The following MACROD2 variants were observed in gnomAD, a reference collection of about 807,000 sequenced individuals.
The protein encoded by MACROD2 is mono-ADP ribosylhydrolase 2.
MACROD2 carries 36 observed loss-of-function variants against 70.4 expected under a neutral mutation model. The observed-to-expected ratio is 0.51, with a 90% CI of 0.39 to 0.68. The LOEUF (loss-of-function observed/expected upper bound fraction) is 0.68. Among genes scored for constraint, MACROD2 ranks in the 30% least tolerant of loss-of-function variants. The pLI, the probability that MACROD2 is intolerant of heterozygous loss-of-function variation, is 0.00. For missense variants in MACROD2, 496 were observed against 538.4 expected, an observed-to-expected ratio of 0.92 and a Z score of 0.78; for synonymous variants, 172 against 178.8, an observed-to-expected ratio of 0.96 and a Z score of 0.30.
intron 8 of MACROD2, among the ~76,000 whole-genome samples, chr20:15,724,721 G>A (rs959817618): frequency 1.4e-4 from 22 of 152,132 alleles, no homozygotes; most frequent in African/African-American, 4.8e-4. Flanking sequence ...AGTAGTGTCT[G>A]TCTTCCAGCT....
chr20:15,646,813 C>A (rs1038749241), intron 8 of MACROD2, among the ~76,000 whole-genome samples: 2 of 152,176 alleles, frequency 1.3e-5, no homozygotes, highest in African/African-American at 4.8e-5. Flanking sequence ...TGTTAAGTTT[C>A]ATGAGGCCTC....
chr20:15,639,333 G>C (rs760863118), intron 8 of MACROD2, among the ~76,000 whole-genome samples: 5 of 152,198 alleles, frequency 3.3e-5, no homozygotes, highest in Non-Finnish European at 7.3e-5. Flanking sequence ...CTCACGACCT[G>C]CATCGCTTAG....
chr20:14,910,743 C>T (rs1465289127), intron 5 of MACROD2, among the ~76,000 whole-genome samples: 3 of 152,110 alleles, frequency 2.0e-5, no homozygotes, highest in Admixed American at 1.3e-4. Context: ...AGTTGATATC[C>T]CGCTAGCCTT....
At chr20:15,821,699 T>C (rs953626798) in intron 8 of MACROD2, among the ~76,000 whole-genome samples, 12 of 152,200 alleles carry the variant, frequency 7.9e-5, no homozygotes, top group Admixed American at 7.2e-4. Flanking sequence ...AACAATACAG[T>C]ATAACAACTA....
At chr20:14,929,295 A>G (rs1490094180) in intron 5 of MACROD2, 1 of 152,182 alleles carries the variant, frequency 6.6e-6, no homozygotes, top group Non-Finnish European at 1.5e-5. Flanking sequence ...CAGGCTATAA[A>G]TCAGAGGTTT....
At chr20:16,040,606 G>T (rs2067295042) in intron 15 of MACROD2, among the ~76,000 whole-genome samples, 1 of 149,812 alleles carries the variant, frequency 6.7e-6, no homozygotes, top group African/African-American at 2.4e-5. Flanking sequence ...GAAGCACCTT[G>T]TGAAGCTGTG....
At chr20:15,375,897 C>T (rs1180508951) in intron 6 of MACROD2, among the ~76,000 whole-genome samples, 1 of 152,048 alleles carries the variant, frequency 6.6e-6, no homozygotes, top group Non-Finnish European at 1.5e-5. Context: ...TATTCAAAAC[C>T]AGGTCTGTCT....
intron 6 of MACROD2, among the ~76,000 whole-genome samples, chr20:15,317,527 GTCTA>G (rs1298157488): frequency 3.9e-5 from 4 of 103,150 alleles, no homozygotes; most frequent in Admixed American, 9.3e-5. Context: ...CTATCTATCT[GTCTA>G]TCTATCTCTA....
intron 10 of MACROD2, among the ~76,000 whole-genome samples, chr20:15,899,101 CTATATGTATGTA>C (rs2065022751): frequency 6.6e-6 from 1 of 151,518 alleles, no homozygotes; most frequent in Non-Finnish European, 1.5e-5. Context: ...TGTGTGCTAT[CTATATGTATGTA>C]TATATGTATG....
chr20:14,973,298 C>A (rs985286062), intron 5 of MACROD2, among the ~76,000 whole-genome samples: 1 of 134,210 alleles, frequency 7.5e-6, no homozygotes, highest in Non-Finnish European at 1.5e-5. Context: ...GTGGTGCGAT[C>A]TTGGTTCACT....
intron 5 of MACROD2, among the ~76,000 whole-genome samples, chr20:15,206,059 C>T (rs879655657): frequency 3.3e-5 from 5 of 152,102 alleles, no homozygotes; most frequent in Middle Eastern, 3.2e-3. Context: ...GAAGGTACCC[C>T]TTTGCCTTGT....
At chr20:14,271,971 C>T (rs972232027) in intron 3 of MACROD2, among the ~76,000 whole-genome samples, 2 of 152,064 alleles carry the variant, frequency 1.3e-5, no homozygotes, top group African/African-American at 4.8e-5. Flanking sequence ...ACGAACAAAG[C>T]CTCCAAGAAA....
intron 3 of MACROD2, among the ~76,000 whole-genome samples, chr20:14,125,430 TACC>T (rs2054636220): frequency 6.6e-6 from 1 of 152,204 alleles, no homozygotes; most frequent in Admixed American, 6.5e-5. Flanking sequence ...AGGCTTAGGC[TACC>T]TTGTTGGGGT....
chr20:14,910,164 GTTCATT>G (rs1568869119), intron 5 of MACROD2, among the ~76,000 whole-genome samples: 1 of 152,124 alleles, frequency 6.6e-6, no homozygotes. Flanking sequence ...GCCACAAACT[GTTCATT>G]TTAAGTTTGG....
chr20:14,053,795 G>A (rs2053601434), intron 2 of MACROD2: 1 of 152,032 alleles, frequency 6.6e-6, no homozygotes, highest in African/African-American at 2.4e-5. Flanking sequence ...TGTGCTTTTT[G>A]TGATGCGTAA....
intron 8 of MACROD2, among the ~76,000 whole-genome samples, chr20:15,828,298 T>C (rs917828516): frequency 2.0e-5 from 3 of 152,270 alleles, no homozygotes; most frequent in Non-Finnish European, 4.4e-5. Flanking sequence ...TGGGGACAAG[T>C]AGGGTCATTT....
chr20:14,421,077 G>A (rs911933423), intron 3 of MACROD2, among the ~76,000 whole-genome samples: 3 of 152,160 alleles, frequency 2.0e-5, no homozygotes, highest in African/African-American at 7.2e-5. Context: ...CTTGGTAATG[G>A]TGTATAATCC....
intron 8 of MACROD2, among the ~76,000 whole-genome samples, chr20:15,524,030 G>A (rs373084372): frequency 5.3e-5 from 8 of 152,156 alleles, no homozygotes; most frequent in African/African-American, 9.6e-5. Context: ...TACCTCGCCC[G>A]GGCTCACACT....
At position 16,050,510 on chromosome 20, in the gene MACROD2, A is replaced by G. The variant is rs1475844635; in HGVS notation, c.*634A>G. ...TTTTTCCAGAGCAGAGTGCAGAGGCATAACAGAAGGGTGGGCCCTGGCAGC... is the reference window on the plus strand; with the variant it reads ...TTTTTCCAGAGCAGAGTGCAGAGGCGTAACAGAAGGGTGGGCCCTGGCAGC... On this transcript the variant is annotated 3_prime_UTR_variant, in exon 18 of 18. Transcript: ENST00000684519. 1 of 152,312 alleles carries G rather than the reference A, an allele frequency of 6.6e-6. No homozygotes were observed. The highest frequency in any genetic ancestry group is 1.5e-5 in the Non-Finnish European group (1 of 68,086). 9.4% of individuals were successfully genotyped at this position (152,312 alleles called of 1,614,324 possible).
Sources: allele counts gnomAD v4.1 joint callset (sites outside exome capture counted in the v4.1 genomes callset), GRCh38; gene constraint gnomAD v4.1.1; transcripts MANE v1.5; gene names NCBI Gene and HGNC (gene_info 2026-07-23, HGNC 2026-07-21).